The following KLHL7 variants were observed in gnomAD, a reference collection of about 807,000 sequenced individuals.
The protein encoded by KLHL7 is kelch-like protein 7.
Under a neutral mutation model 67.4 loss-of-function variants are expected in KLHL7, and 44 were observed. The observed-to-expected ratio is 0.65, with a 90% CI of 0.51 to 0.84. KLHL7 has a LOEUF of 0.84. Among genes scored for constraint, KLHL7 ranks in the 40% least tolerant of loss-of-function variants. The pLI is 0.00. For missense variants in KLHL7, 362 were observed against 718.1 expected, an observed-to-expected ratio of 0.50 and a Z score of 5.67; for synonymous variants, 252 against 243.3, an observed-to-expected ratio of 1.04 and a Z score of -0.33.
intron 7 of KLHL7, among the ~76,000 whole-genome samples, chr7:23,155,683 C>A (rs1238320343): frequency 2.6e-5 from 4 of 151,076 alleles, no homozygotes. Context: ...CAAAACAAAA[C>A]AAAACAAAAA....
At chr7:23,142,102 C>T (rs1784206850) in intron 5 of KLHL7, among the ~76,000 whole-genome samples, 1 of 151,866 alleles carries the variant, frequency 6.6e-6, no homozygotes, top group African/African-American at 2.4e-5. Context: ...TGGGGTTTCA[C>T]CATGTTGGCC....
chr7:23,134,967 C>T (rs1783927038), intron 4 of KLHL7, among the ~76,000 whole-genome samples: 1 of 151,652 alleles, frequency 6.6e-6, no homozygotes, highest in Admixed American at 6.6e-5. Flanking sequence ...CTTTATTTCT[C>T]CTACTAATTT....
intron 4 of KLHL7, among the ~76,000 whole-genome samples, chr7:23,127,793 G>GA (rs1459170985): frequency 6.6e-6 from 1 of 152,040 alleles, no homozygotes. Context: ...AAAATCGTTT[G>GA]AACCGGGAGG....
At chr7:23,133,632 C>T (rs1349625295) in intron 4 of KLHL7, among the ~76,000 whole-genome samples, 2 of 152,078 alleles carry the variant, frequency 1.3e-5, no homozygotes, top group African/African-American at 4.8e-5. Context: ...CTGGTTTTCA[C>T]CATGTTGGCC....
chr7:23,134,411 T>C (rs1224969755), intron 4 of KLHL7, among the ~76,000 whole-genome samples: 1 of 152,214 alleles, frequency 6.6e-6, no homozygotes, highest in East Asian at 1.9e-4. Flanking sequence ...GCCTGTAGTT[T>C]TCTTTTGTTT....
rs559073693 is a variant in KLHL7 at position 23,112,682 on chromosome 7, A to G, written c.120+6536A>G. Among the ~76,000 whole-genome samples the G allele has an allele frequency of 2.6e-5, 4 of 152,340 alleles. 1 individual carries two copies. The highest frequency in any genetic ancestry group is 7.2e-5 in the African/African-American group (3 of 41,582). Reference sequence around the variant, plus strand: ...AGATCAGAATAAGATTAAAACTAAAAATACTTATAGTAGGACATAGCAACA... The same window carrying G: ...AGATCAGAATAAGATTAAAACTAAAGATACTTATAGTAGGACATAGCAACA... On this transcript the variant is annotated intron_variant, in intron 1 of 10. Transcript: ENST00000339077.
chr7:23,121,065 C>T (rs1783315240), intron 1 of KLHL7, among the ~76,000 whole-genome samples: 1 of 152,182 alleles, frequency 6.6e-6, no homozygotes, highest in Non-Finnish European at 1.5e-5. Flanking sequence ...TTAGCTTACA[C>T]ATATGAGTGA....
chr7:23,139,709 GA>G (rs967974313), intron 4 of KLHL7, among the ~76,000 whole-genome samples: 34 of 152,132 alleles, frequency 2.2e-4, no homozygotes, highest in East Asian at 2.1e-3. Flanking sequence ...ATAATGAATT[GA>G]AAAAAAGTCA....
chr7:23,119,778 A>ATT (rs199822526), intron 1 of KLHL7, among the ~76,000 whole-genome samples: 5 of 148,912 alleles, frequency 3.4e-5, no homozygotes, highest in African/African-American at 1.2e-4. Context: ...ATGACTTGGG[A>ATT]TTTTTTTTTC....
chr7:23,158,627 A>G (rs1784774013), intron 7 of KLHL7, among the ~76,000 whole-genome samples: 1 of 152,170 alleles, frequency 6.6e-6, no homozygotes, highest in Admixed American at 6.5e-5. Flanking sequence ...AATAAGTAAT[A>G]TTTTAGCATA....
intron 7 of KLHL7, among the ~76,000 whole-genome samples, chr7:23,156,702 C>G (rs954580070): frequency 1.3e-5 from 2 of 152,158 alleles, no homozygotes; most frequent in African/African-American, 4.8e-5. Context: ...ATTACTAAGG[C>G]AGAAAACTAT....
At chr7:23,157,754 C>T (rs1003645197) in intron 7 of KLHL7, among the ~76,000 whole-genome samples, 2 of 152,172 alleles carry the variant, frequency 1.3e-5, no homozygotes, top group African/African-American at 4.8e-5. Flanking sequence ...TGTTATGTCA[C>T]TGCATCTCCA....
chr7:23,174,737 C>A lies in KLHL7; in HGVS notation c.*439C>A. ...AGTATGAATTGTAAGTCAAGATGGG[C>A]AACTCAGATGGAGCAGCTTAGTCTC... On this transcript the variant is annotated 3_prime_UTR_variant, in exon 11 of 11. Transcript: ENST00000339077. 2.2e-6 allele frequency: 1 copy of A among 454,944 alleles called. No homozygotes were observed. Among genetic ancestry groups the A allele is most frequent in the Non-Finnish European group, 4.4e-6 (1 of 227,118 alleles). The allele number at this position is 454,944 out of a possible 1,614,324, so 28.2% of individuals were successfully genotyped here.
intron 1 of KLHL7, among the ~76,000 whole-genome samples, chr7:23,109,677 A>C (rs1246782764): frequency 6.6e-6 from 1 of 152,168 alleles, no homozygotes; most frequent in East Asian, 1.9e-4. Flanking sequence ...AAATTACTAC[A>C]TGTCATTATC....
At chr7:23,125,670 C>T (rs1783540667) in intron 4 of KLHL7, 1 of 1,379,708 alleles carries the variant, frequency 7.2e-7, no homozygotes, top group Non-Finnish European at 9.5e-7. Flanking sequence ...TACTAGAAAA[C>T]ATAACCTTAG....
chr7:23,115,690 G>A (rs962631925), intron 1 of KLHL7, among the ~76,000 whole-genome samples: 8 of 151,668 alleles, frequency 5.3e-5, no homozygotes, highest in Non-Finnish European at 1.2e-4. Context: ...ATTACCGGGC[G>A]TCCACCACCA....
At chr7:23,113,840 G>A (rs4256505) in intron 1 of KLHL7, among the ~76,000 whole-genome samples, 152,052 of 152,348 alleles carry the variant, frequency 1, 75,879 homozygotes, top group Middle Eastern at 1. Context: ...AAAACCCCCC[G>A]AATATTGAAG....
At chr7:23,119,325 C>G (rs1783233209) in intron 1 of KLHL7, among the ~76,000 whole-genome samples, 1 of 152,152 alleles carries the variant, frequency 6.6e-6, no homozygotes, top group African/African-American at 2.4e-5. Flanking sequence ...ATGCCTCAGC[C>G]TCCTGAGTAG....
At chr7:23,117,462 T>C (rs943754700) in intron 1 of KLHL7, among the ~76,000 whole-genome samples, 4 of 152,112 alleles carry the variant, frequency 2.6e-5, no homozygotes, top group African/African-American at 9.7e-5. Context: ...ATAACAAAAA[T>C]AGCTTTTTTT....
Sources: allele counts gnomAD v4.1 joint callset (sites outside exome capture counted in the v4.1 genomes callset), GRCh38; gene constraint gnomAD v4.1.1; transcripts MANE v1.5; gene names NCBI Gene and HGNC (gene_info 2026-07-23, HGNC 2026-07-21).